The following NINL variants were observed in gnomAD, a reference collection of about 807,000 sequenced individuals.
NINL encodes ninein-like protein.
A neutral mutation model predicts 160.3 loss-of-function variants in NINL; 153 were observed. That is an observed-to-expected ratio of 0.95 (90% CI 0.84 to 1.09). The LOEUF (loss-of-function observed/expected upper bound fraction) is 1.09, where lower values mean the gene tolerates loss of function less well. NINL is among the 50% of genes least tolerant of loss of function. The pLI, the probability that NINL is intolerant of heterozygous loss-of-function variation, is 0.00. For synonymous variants in NINL, 800 were observed against 734.8 expected (o/e 1.09, Z -1.43); for missense variants, 1,829 against 1,764.0 (o/e 1.04, Z -0.66).
chr20:25,575,724 GAC>G (rs2065107928), intron 1 of NINL, among the ~76,000 whole-genome samples: 1 of 151,738 alleles, frequency 6.6e-6, no homozygotes, highest in African/African-American at 2.4e-5. Context: ...CAGCCTGGGC[GAC>G]AGAGCAAGTA....
chr20:25,471,513 A>G (rs1206151231), intron 17 of NINL, among the ~76,000 whole-genome samples: 1 of 152,148 alleles, frequency 6.6e-6, no homozygotes, highest in African/African-American at 2.4e-5. Flanking sequence ...CATCCCCCAC[A>G]TGACCACCAA....
chr20:25,490,655 C>G (rs367685829), intron 11 of NINL, among the ~76,000 whole-genome samples: 6 of 151,944 alleles, frequency 3.9e-5, no homozygotes, highest in African/African-American at 1.5e-4. Flanking sequence ...ATTCCTGAAC[C>G]AGGGATCAGA....
chr20:25,491,404 G>T lies in NINL; in HGVS notation c.1432C>A (p.Arg478Ser), dbSNP rs200556753. ...QRAALEWDVGRLQAEEAGLRE... is the reference protein window; with the variant it reads ...QRAALEWDVGSLQAEEAGLRE... ...AGGCCAGCCTCCTCAGCCTGCAGGC[G>T]CCCCACGTCCCACTCCAGCGCGGCC... Residue 478 changes from arginine to serine, a missense_variant, in exon 11 of 24, where the codon CGC (arginine) becomes AGC (serine). Coordinates refer to ENST00000278886, the MANE Select transcript of NINL (RefSeq NM_025176.6). 6.2e-6 allele frequency: 10 copies of T among 1,612,532 alleles called. No individual in the cohort carries two copies. The highest frequency in any genetic ancestry group is 8.5e-6 in the Non-Finnish European group (10 of 1,179,916).
intron 5 of NINL, among the ~76,000 whole-genome samples, chr20:25,506,097 A>G (rs1239846202): frequency 6.6e-6 from 1 of 152,194 alleles, no homozygotes; most frequent in African/African-American, 2.4e-5. Flanking sequence ...CCCCGTCTCT[A>G]CTAAAAATAC....
chr20:25,530,091 C>T (rs555405837), intron 1 of NINL, among the ~76,000 whole-genome samples: 2 of 152,184 alleles, frequency 1.3e-5, no homozygotes, highest in South Asian at 4.2e-4. Context: ...TTAGTTGTAA[C>T]CAATTCAACC....
chr20:25,527,641 A>T (rs951118622), intron 1 of NINL, among the ~76,000 whole-genome samples: 1 of 152,154 alleles, frequency 6.6e-6, no homozygotes, highest in African/African-American at 2.4e-5. Flanking sequence ...AAAGATATAT[A>T]TATATAATTA....
chr20:25,545,046 G>A (rs2064715489), intron 1 of NINL, among the ~76,000 whole-genome samples: 1 of 152,220 alleles, frequency 6.6e-6, no homozygotes, highest in East Asian at 1.9e-4. Context: ...GCTTTAGGGA[G>A]CATCCAGGAA....
chr20:25,563,475 T>C (rs1268237578), intron 1 of NINL, among the ~76,000 whole-genome samples: 2 of 151,936 alleles, frequency 1.3e-5, no homozygotes, highest in African/African-American at 4.8e-5. Flanking sequence ...ATTCAAGAAA[T>C]CCCAGAAAGA....
intron 16 of NINL, 71 bp from the exon 17 acceptor site, chr20:25,477,160 C>T (rs2063279180): frequency 1.4e-6 from 2 of 1,399,598 alleles, no homozygotes; most frequent in African/African-American, 2.9e-5. Context: ...TGAAGTCTGC[C>T]CAGCTGTTGC....
rs2063586035 is a variant in NINL, at chr20:25,489,870, C to A, written c.1596+5G>T. 1.2e-6 allele frequency: 2 copies of A among 1,613,796 alleles called. No homozygotes were observed. On this transcript the variant is annotated splice_donor_5th_base_variant and intron_variant, in intron 12 of 23. Coordinates refer to ENST00000278886, the MANE Select transcript of NINL (RefSeq NM_025176.6). ...TGGAGGCAGACTGTCAGCAAAGGGA[C>A]TCGCCTTGTCCTTCAGCACAAACTC... is the stretch of plus-strand genomic sequence containing the variant.
intron 2 of NINL, among the ~76,000 whole-genome samples, chr20:25,526,086 C>T (rs752872491): frequency 7.2e-5 from 11 of 152,226 alleles, no homozygotes; most frequent in Non-Finnish European, 1.0e-4. Context: ...CAGGTCCAAC[C>T]CATGTGGTCT....
Position 25,495,387 on chromosome 20 carries a change from C to A in NINL, c.1310+1276G>T, listed in dbSNP as rs187370973. 2.6e-5 allele frequency among the ~76,000 whole-genome samples: 4 copies of A among 152,366 alleles called. No individual in the cohort carries two copies. In the East Asian group the frequency reaches 7.7e-4, roughly 29 times the overall value. The stretch of plus-strand genomic sequence containing the variant: ...CACCACGTGGCTCCATCGCGCATAG[C>A]TCTTCTTTGCTAGCCACGCTCAGCT... On this transcript the variant is annotated intron_variant, in intron 10 of 23. Coordinates refer to ENST00000278886, the MANE Select transcript of NINL (RefSeq NM_025176.6).
rs1488257619 is a variant in NINL, at chr20:25,500,912, G to A, written c.960C>T (p.Gly320=). 4 of 1,614,122 alleles carry A rather than the reference G, an allele frequency of 2.5e-6. 1 individual carries two copies. The highest frequency in any genetic ancestry group is 2.2e-5 in the South Asian group (2 of 91,082). ...RLFSSIDDGS[G]FAFPDQVLAM... The stretch of plus-strand genomic sequence containing the variant: ...CCAGGACCTGATCAGGAAAAGCGAA[G>A]CCAGAACCATCGTCAATGCTGGAGA... Residue 320 remains glycine, a synonymous_variant, in exon 8 of 24, where the codon GGC becomes GGT. Coordinates refer to ENST00000278886, the MANE Select transcript of NINL (RefSeq NM_025176.6).
chr20:25,498,325 C>G lies in NINL; in HGVS notation c.1054G>C (p.Glu352Gln), dbSNP rs368330580. 4.3e-6 allele frequency: 7 copies of G among 1,612,868 alleles called. No individual in the cohort carries two copies. In the African/African-American group the frequency reaches 9.3e-5, roughly 22 times the overall value. The part of the protein sequence containing the change: ...ILQSLDFSVD[E>Q]KVNLLELTWA... ...GTCAGCTCCAGAAGGTTCACCTTCT[C>G]GTCCACGCTGAAGTCCAGGCTCTGG... Residue 352 changes from glutamate (E) to glutamine (Q), a missense_variant, in exon 9 of 24, where the codon GAG becomes CAG. By Grantham distance (29) the Glu-to-Gln change is conservative. Transcript: ENST00000278886.
chr20:25,478,238 G>A (rs891521706), intron 16 of NINL, among the ~76,000 whole-genome samples: 2 of 152,140 alleles, frequency 1.3e-5, no homozygotes, highest in East Asian at 1.9e-4. Context: ...GTGAGCCACC[G>A]CATCCGGCCG....
chr20:25,553,168 G>T (rs1333526321), intron 1 of NINL, among the ~76,000 whole-genome samples: 1 of 131,924 alleles, frequency 7.6e-6, no homozygotes, highest in Non-Finnish European at 1.5e-5. Context: ...TCACAGGTGT[G>T]ATCACAGCTC....
chr20:25,526,414 G>A lies in NINL; in HGVS notation c.174C>T (p.Phe58=), dbSNP rs775693180. ...AATGAAGTCCAACACTCACCCTGGCGAAATGGTCGTTTCCGAGAAGCGTCT... is the reference window on the plus strand; with the variant it reads ...AATGAAGTCCAACACTCACCCTGGCAAAATGGTCGTTTCCGAGAAGCGTCT... ...LLQTLLGNDH[F]ARVNFEEFKE... Residue 58 remains phenylalanine, a synonymous_variant, in exon 2 of 24, where the codon TTC becomes TTT. Transcript: ENST00000278886. The A allele has an allele frequency of 5.7e-5, 91 of 1,610,222 alleles. No individual in the cohort carries two copies. Among genetic ancestry groups the A allele is most frequent in the Middle Eastern group, 1.8e-4 (1 of 5,714 alleles).
rs749234963 is a variant in NINL at position 25,498,294 on chromosome 20, G to T, written c.1085C>A (p.Ala362Asp). Reference sequence around the variant, plus strand: ...CACTGTCATGAGCTCGTTGTCAAGGGCCCAGGTCAGCTCCAGAAGGTTCAC... The same window carrying T: ...CACTGTCATGAGCTCGTTGTCAAGGTCCCAGGTCAGCTCCAGAAGGTTCAC... Reference protein sequence around the residue: ...EKVNLLELTWALDNELMTVDS... With the variant: ...EKVNLLELTWDLDNELMTVDS... Residue 362 changes from alanine to aspartate, a missense_variant, in exon 9 of 24, where the codon GCC (alanine) becomes GAC (aspartate). By Grantham distance (126) the Ala-to-Asp change is moderately radical. Transcript: ENST00000278886. 6.2e-7 allele frequency: 1 copy of T among 1,613,334 alleles called. No homozygotes were observed. The highest frequency in any genetic ancestry group is 8.5e-7 in the Non-Finnish European group (1 of 1,180,020).
At chr20:25,490,070 A>G in intron 11 of NINL, 85 bp from the exon 12 acceptor site, 1 of 1,221,962 alleles carries the variant, frequency 8.2e-7, no homozygotes, top group Non-Finnish European at 1.2e-6. Flanking sequence ...CTTGCTTCTC[A>G]TAGGACTGGG....
Sources: gnomAD v4.1 joint callset for allele counts (sites outside exome capture counted in the v4.1 genomes callset) on GRCh38, gnomAD v4.1.1 for gene constraint, MANE v1.5 for transcripts, NCBI Gene and HGNC (gene_info 2026-07-23, HGNC 2026-07-21) for gene names.